PHACTR1: variants seen among roughly 807,000 people sequenced by gnomAD.
PHACTR1 encodes phosphatase and actin regulator 1.
Under a neutral mutation model 69.2 loss-of-function variants are expected in PHACTR1, and 16 were observed. The ratio of observed to expected loss-of-function variants is 0.23; its 90% CI spans 0.16 to 0.35. The LOEUF (loss-of-function observed/expected upper bound fraction) is 0.35. Ranked by LOEUF, PHACTR1 falls within the 10% of genes least tolerant of loss-of-function variation. The pLI, the probability that PHACTR1 is intolerant of heterozygous loss-of-function variation, is 1.00. For missense variants in PHACTR1, 510 were observed against 734.7 expected (o/e 0.69, Z 3.54); for synonymous variants, 312 against 284.5 (o/e 1.10, Z -0.97).
At chr6:12,903,516 C>T (rs1222041187) in intron 4 of PHACTR1, among the ~76,000 whole-genome samples, 3 of 152,214 alleles carry the variant, frequency 2.0e-5, no homozygotes, top group African/African-American at 7.2e-5. Flanking sequence ...GTTGTTTCCT[C>T]TTTCCTATTT....
intron 5 of PHACTR1, among the ~76,000 whole-genome samples, chr6:13,110,726 C>T (rs1478823600): frequency 6.6e-6 from 1 of 152,146 alleles, no homozygotes; most frequent in Non-Finnish European, 1.5e-5. Flanking sequence ...GGGCTCACTT[C>T]ATTTGTTTTC....
At chr6:13,139,807 A>G (rs770229098) in intron 5 of PHACTR1, among the ~76,000 whole-genome samples, 5 of 152,306 alleles carry the variant, frequency 3.3e-5, no homozygotes, top group Non-Finnish European at 7.3e-5. Flanking sequence ...TAAAACCACA[A>G]TAATAAAAAC....
chr6:12,932,038 G>A (rs1346517041), intron 4 of PHACTR1, among the ~76,000 whole-genome samples: 1 of 151,998 alleles, frequency 6.6e-6, no homozygotes, highest in Non-Finnish European at 1.5e-5. Context: ...AAGACCTACT[G>A]AATCAGAAAT....
intron 4 of PHACTR1, among the ~76,000 whole-genome samples, chr6:12,975,172 A>G (rs1794717639): frequency 6.6e-6 from 1 of 152,220 alleles, no homozygotes; most frequent in South Asian, 2.1e-4. Flanking sequence ...GAAATAGGAA[A>G]GCCCACGGCC....
intron 3 of PHACTR1, among the ~76,000 whole-genome samples, chr6:12,749,179 T>C (rs1394808186): frequency 1.3e-5 from 2 of 152,210 alleles, no homozygotes; most frequent in Non-Finnish European, 2.9e-5. Context: ...TAGTGTGCAC[T>C]TGGGCAGCGT....
intron 4 of PHACTR1, among the ~76,000 whole-genome samples, chr6:12,753,703 C>A (rs976308026): frequency 6.6e-6 from 1 of 152,050 alleles, no homozygotes; most frequent in Non-Finnish European, 1.5e-5. Flanking sequence ...CTGTTTCTGG[C>A]CTTCACTGGT....
chr6:12,945,413 C>G (rs1428842482), intron 4 of PHACTR1, among the ~76,000 whole-genome samples: 1 of 152,114 alleles, frequency 6.6e-6, no homozygotes, highest in African/African-American at 2.4e-5. Flanking sequence ...ATCTTGCTGT[C>G]GAGAATATTT....
At chr6:12,898,858 C>T (rs539845019) in intron 4 of PHACTR1, among the ~76,000 whole-genome samples, 1 of 152,304 alleles carries the variant, frequency 6.6e-6, no homozygotes, top group African/African-American at 2.4e-5. Flanking sequence ...GATCAGCTCC[C>T]CTGCACCGCA....
chr6:13,265,907 G>A (rs1397714232), intron 10 of PHACTR1, among the ~76,000 whole-genome samples: 3 of 152,076 alleles, frequency 2.0e-5, no homozygotes, highest in Non-Finnish European at 2.9e-5. Flanking sequence ...CCATACTCAT[G>A]GCTTCAAATA....
At chr6:12,978,313 T>C (rs1387661796) in intron 4 of PHACTR1, among the ~76,000 whole-genome samples, 1 of 152,190 alleles carries the variant, frequency 6.6e-6, no homozygotes, top group Non-Finnish European at 1.5e-5. Flanking sequence ...ACTAATTCTT[T>C]AGAAAGGCAT....
intron 8 of PHACTR1, among the ~76,000 whole-genome samples, chr6:13,214,458 A>G (rs139044632): frequency 6.6e-6 from 1 of 152,312 alleles, no homozygotes; most frequent in Non-Finnish European, 1.5e-5. Flanking sequence ...CTTCTTATTA[A>G]TTCTCTTGGA....
chr6:13,193,753 T>C (rs4262187), intron 7 of PHACTR1, among the ~76,000 whole-genome samples: 12,923 of 152,068 alleles, frequency 0.085, 1,309 homozygotes, highest in East Asian at 0.58. Context: ...CTGTTTTGCA[T>C]GTTTTGAGAG....
intron 4 of PHACTR1, among the ~76,000 whole-genome samples, chr6:13,032,658 C>G (rs1802620496): frequency 6.6e-6 from 1 of 151,738 alleles, no homozygotes; most frequent in Non-Finnish European, 1.5e-5. Flanking sequence ...AGCTCTGTTG[C>G]CAGGCTGGAA....
chr6:12,880,158 TCGCA>T (rs372281361), intron 4 of PHACTR1, among the ~76,000 whole-genome samples: 4 of 152,044 alleles, frequency 2.6e-5, no homozygotes, highest in African/African-American at 9.7e-5. Context: ...ACTCCAGAGA[TCGCA>T]TGCCAATTCA....
chr6:13,077,823 C>T (rs1427622660), intron 5 of PHACTR1, among the ~76,000 whole-genome samples: 1 of 152,046 alleles, frequency 6.6e-6, no homozygotes, highest in Non-Finnish European at 1.5e-5. Flanking sequence ...AATAGAGGCA[C>T]AGAGGAGGAG....
intron 5 of PHACTR1, among the ~76,000 whole-genome samples, chr6:13,151,375 C>T (rs1485059116): frequency 6.6e-6 from 1 of 152,206 alleles, no homozygotes; most frequent in East Asian, 1.9e-4. Flanking sequence ...TTCATCAATA[C>T]TTAAAAGTCA....
intron 5 of PHACTR1, among the ~76,000 whole-genome samples, chr6:13,067,492 A>C (rs1808829520): frequency 6.6e-6 from 1 of 152,216 alleles, no homozygotes; most frequent in Non-Finnish European, 1.5e-5. Context: ...CATCAATAAA[A>C]ACTGACACTG....
At chr6:12,920,988 T>G (rs1025694335) in intron 4 of PHACTR1, among the ~76,000 whole-genome samples, 2 of 152,264 alleles carry the variant, frequency 1.3e-5, no homozygotes, top group African/African-American at 4.8e-5. Context: ...ACTACTATCC[T>G]TGCTTGATAC....
At chr6:13,050,379 G>C (rs188785568) in intron 4 of PHACTR1, among the ~76,000 whole-genome samples, 1 of 152,010 alleles carries the variant, frequency 6.6e-6, no homozygotes, top group African/African-American at 2.4e-5. Context: ...CCACTGCTGC[G>C]AAATTAATCT....
Sources: gnomAD v4.1 joint callset for allele counts (sites outside exome capture counted in the v4.1 genomes callset) on GRCh38, gnomAD v4.1.1 for gene constraint, MANE v1.5 for transcripts, NCBI Gene and HGNC (gene_info 2026-07-23, HGNC 2026-07-21) for gene names.